RAPGEF6: variants seen among roughly 807,000 people sequenced by gnomAD.
RAPGEF6 encodes PDZ domain containing guanine nucleotide exchange factor (GEF) 2.
RAPGEF6 carries 56 observed loss-of-function variants against 171.4 expected under a neutral mutation model. The ratio of observed to expected loss-of-function variants is 0.33; its 90% CI spans 0.26 to 0.41. The LOEUF (loss-of-function observed/expected upper bound fraction) is 0.41. Among genes scored for constraint, RAPGEF6 ranks in the 10% least tolerant of loss-of-function variants. The pLI is 1.00. For synonymous variants in RAPGEF6, 692 were observed against 650.1 expected (o/e 1.06, Z -0.98); for missense variants, 1,674 against 1,921.4 (o/e 0.87, Z 2.41).
intron 1 of RAPGEF6, among the ~76,000 whole-genome samples, chr5:131,619,411 A>G (rs1009140625): frequency 3.7e-4 from 57 of 152,284 alleles, no homozygotes; most frequent in African/African-American, 1.4e-3. Flanking sequence ...TGGCATGTGT[A>G]TACCTATGTA....
At chr5:131,458,573 G>C (rs1294677456) in intron 19 of RAPGEF6, among the ~76,000 whole-genome samples, 1 of 152,208 alleles carries the variant, frequency 6.6e-6, no homozygotes. Context: ...TGGATGGCAA[G>C]AGCCATTGTT....
intron 4 of RAPGEF6, among the ~76,000 whole-genome samples, chr5:131,580,756 AC>A (rs1385032996): frequency 4.0e-5 from 6 of 151,866 alleles, no homozygotes; most frequent in Admixed American, 3.9e-4. Flanking sequence ...CTTGCAGTAC[AC>A]CCTCTCACCT....
intron 1 of RAPGEF6, 32 bp downstream of exon 1, chr5:131,634,930 G>A (rs1412680848): frequency 6.2e-7 from 1 of 1,612,728 alleles, no homozygotes; most frequent in Non-Finnish European, 8.5e-7. Flanking sequence ...CTACTGGACT[G>A]TGAGACGCAC....
intron 10 of RAPGEF6, 63 bp from the exon 11 acceptor site, chr5:131,504,841 C>T (rs1028287962): frequency 7.0e-7 from 1 of 1,422,048 alleles, no homozygotes; most frequent in Non-Finnish European, 9.4e-7. Flanking sequence ...TCACTATGTA[C>T]CAATGCAGAG....
chr5:131,622,117 G>A (rs1765628466), intron 1 of RAPGEF6, among the ~76,000 whole-genome samples: 1 of 152,040 alleles, frequency 6.6e-6, no homozygotes, highest in Non-Finnish European at 1.5e-5. Context: ...GCCTCAGAGA[G>A]TCATTTAATA....
chr5:131,523,062 A>G (rs1443811222), intron 6 of RAPGEF6, among the ~76,000 whole-genome samples: 1 of 152,308 alleles, frequency 6.6e-6, no homozygotes, highest in East Asian at 1.9e-4. Flanking sequence ...GCTCAGCCCA[A>G]TAAAACCAGG....
At chr5:131,461,543 C>T (rs1753936494) in intron 19 of RAPGEF6, among the ~76,000 whole-genome samples, 162 bp downstream of exon 19, 1 of 152,038 alleles carries the variant, frequency 6.6e-6, no homozygotes, top group African/African-American at 2.4e-5. Flanking sequence ...ATAGAAAAAG[C>T]CAATACCACC....
At chr5:131,602,486 C>T (rs1764316123) in intron 3 of RAPGEF6, among the ~76,000 whole-genome samples, 1 of 152,132 alleles carries the variant, frequency 6.6e-6, no homozygotes, top group Admixed American at 6.5e-5. Context: ...ATTGGCCAGG[C>T]ACGGTGGCTC....
At chr5:131,536,084 T>C (rs1353840204) in intron 6 of RAPGEF6, among the ~76,000 whole-genome samples, 1 of 152,142 alleles carries the variant, frequency 6.6e-6, no homozygotes, top group Non-Finnish European at 1.5e-5. Context: ...CCAAAGAAGT[T>C]AAAGAACAAA....
At chr5:131,465,438 A>C (rs1163195049) in intron 17 of RAPGEF6, among the ~76,000 whole-genome samples, 2 of 152,158 alleles carry the variant, frequency 1.3e-5, no homozygotes, top group African/African-American at 4.8e-5. Flanking sequence ...CAAATGCTAA[A>C]AATTTTCCCT....
chr5:131,533,169 T>TACATAC (rs1759513329), intron 6 of RAPGEF6: 1 of 136,860 alleles, frequency 7.3e-6, no homozygotes. Context: ...ATTGAAAACA[T>TACATAC]ACACACACAC....
At chr5:131,510,981 G>C (rs1457845012) in intron 7 of RAPGEF6, among the ~76,000 whole-genome samples, 1 of 152,050 alleles carries the variant, frequency 6.6e-6, no homozygotes, top group Non-Finnish European at 1.5e-5. Context: ...TTAAAGTAAG[G>C]TAAAGAACAG....
chr5:131,598,673 C>A (rs1205797895), intron 3 of RAPGEF6, among the ~76,000 whole-genome samples: 5 of 152,166 alleles, frequency 3.3e-5, no homozygotes, highest in African/African-American at 9.7e-5. Context: ...AAAAACTGCT[C>A]AAACTGTTTA....
chr5:131,554,899 G>A (rs1425961110), intron 5 of RAPGEF6, among the ~76,000 whole-genome samples: 1 of 151,568 alleles, frequency 6.6e-6, no homozygotes, highest in East Asian at 1.9e-4. Flanking sequence ...GTGGGGAGGA[G>A]AGGAAGGAAA....
At chr5:131,469,821 T>C (rs561840828) in intron 17 of RAPGEF6, 2 of 1,521,634 alleles carry the variant, frequency 1.3e-6, no homozygotes, top group African/African-American at 2.8e-5. Flanking sequence ...AACAGCTGTA[T>C]GCAGCAAAAA....
intron 1 of RAPGEF6, among the ~76,000 whole-genome samples, chr5:131,630,321 G>A (rs1225179573): frequency 6.6e-6 from 1 of 152,064 alleles, no homozygotes; most frequent in African/African-American, 2.4e-5. Flanking sequence ...TCTTTTTTTA[G>A]ACATAAGGCT....
At chr5:131,571,838 C>T (rs1331910407) in intron 4 of RAPGEF6, among the ~76,000 whole-genome samples, 4 of 152,122 alleles carry the variant, frequency 2.6e-5, no homozygotes, top group Admixed American at 6.5e-5. Context: ...GTCAAGCCAT[C>T]GTGACATTCC....
chr5:131,513,860 T>G (rs1757903113), intron 7 of RAPGEF6, among the ~76,000 whole-genome samples: 1 of 151,732 alleles, frequency 6.6e-6, no homozygotes, highest in African/African-American at 2.4e-5. Flanking sequence ...AATACAAAAA[T>G]TAGCCGGGTG....
chr5:131,428,671 A>G (rs990257024), intron 27 of RAPGEF6, among the ~76,000 whole-genome samples: 2 of 152,066 alleles, frequency 1.3e-5, no homozygotes, highest in African/African-American at 4.8e-5. Context: ...CATGTTGGAC[A>G]GGCTGGTCAG....
Sources: allele counts gnomAD v4.1 joint callset (sites outside exome capture counted in the v4.1 genomes callset), GRCh38; gene constraint gnomAD v4.1.1; transcripts MANE v1.5; gene names NCBI Gene and HGNC (gene_info 2026-07-23, HGNC 2026-07-21).